The following RAP1GAP2 variants were observed in gnomAD, a reference collection of about 807,000 sequenced individuals.
RAP1GAP2 encodes the protein RAP1 GTPase activating protein 2.
Under a neutral mutation model 95.0 loss-of-function variants are expected in RAP1GAP2, and 27 were observed. The ratio of observed to expected loss-of-function variants is 0.28; its 90% CI spans 0.21 to 0.39. The LOEUF is 0.39. Among genes scored for constraint, RAP1GAP2 ranks in the 10% least tolerant of loss-of-function variants. The probability of loss-of-function intolerance (pLI) is 1.00; values close to 1 mark genes in which losing one functional copy is unlikely to be tolerated. For missense variants in RAP1GAP2, 771 were observed against 970.0 expected (o/e 0.79, Z 2.72); for synonymous variants, 373 against 380.9 (o/e 0.98, Z 0.24).
At chr17:2,856,318 C>T (rs1401456217) in intron 2 of RAP1GAP2, among the ~76,000 whole-genome samples, 1 of 152,130 alleles carries the variant, frequency 6.6e-6, no homozygotes, top group African/African-American at 2.4e-5. Context: ...AAGTTCTCTT[C>T]CTGGCTCATC....
intron 3 of RAP1GAP2, among the ~76,000 whole-genome samples, chr17:2,931,281 TGTGTG>T (rs2043145122): frequency 2.1e-4 from 1 of 4,842 alleles, no homozygotes; most frequent in Admixed American, 1.5e-3. Flanking sequence ...GAGTGTTTCT[TGTGTG>T]TGTGTGTGTG....
intron 2 of RAP1GAP2, among the ~76,000 whole-genome samples, chr17:2,801,048 C>T (rs1297868246): frequency 1.1e-4 from 17 of 150,980 alleles, no homozygotes; most frequent in African/African-American, 4.1e-4. Flanking sequence ...CGGAGTTTCA[C>T]CATGTTGGCC....
In RAP1GAP2 at chr17:2,917,501, C is replaced by T. The variant is rs543185161; in HGVS notation, c.165+12133C>T. On this transcript the variant is annotated intron_variant, in intron 3 of 24. Transcript: ENST00000254695. ...GTCAGGCTGGTCTCGAACTCCTGAC[C>T]TCAGGTGATCCACCCGCCTTGGGCT... Among the ~76,000 whole-genome samples the T allele has an allele frequency of 1.1e-4, 17 of 152,168 alleles. No homozygotes were observed. The South Asian group carries it at 2.7e-3, about 24-fold the overall frequency.
chr17:2,777,461 G>T (rs573442939), intron 1 of RAP1GAP2, among the ~76,000 whole-genome samples: 1 of 152,148 alleles, frequency 6.6e-6, no homozygotes, highest in Non-Finnish European at 1.5e-5. Context: ...TTGGGAGCGG[G>T]GCCCGATTTC....
intron 2 of RAP1GAP2, among the ~76,000 whole-genome samples, chr17:2,806,449 G>C (rs1163681981): frequency 6.7e-6 from 1 of 150,120 alleles, no homozygotes; most frequent in Non-Finnish European, 1.5e-5. Flanking sequence ...CTGGAGTGCA[G>C]TGGTGAAATT....
At chr17:3,030,796 C>T in intron 22 of RAP1GAP2, 126 bp from the exon 23 acceptor site, 1 of 869,470 alleles carries the variant, frequency 1.2e-6, no homozygotes, top group Non-Finnish European at 1.8e-6. Flanking sequence ...CACAGGTCAG[C>T]TAGGGTGCCT....
At chr17:2,773,482 G>T (rs767978794), upstream of RAP1GAP2, among the ~76,000 whole-genome samples, 2 of 152,188 alleles carry the variant, frequency 1.3e-5, no homozygotes, top group Non-Finnish European at 2.9e-5. Context: ...AGCTAAGGAG[G>T]TTGGTGAGTG....
intron 3 of RAP1GAP2, among the ~76,000 whole-genome samples, chr17:2,919,664 G>A (rs993548101): frequency 6.6e-6 from 1 of 152,120 alleles, no homozygotes; most frequent in Admixed American, 6.6e-5. Flanking sequence ...GTGACCGGCT[G>A]CCAGGCCCTC....
intron 2 of RAP1GAP2, among the ~76,000 whole-genome samples, chr17:2,849,428 GC>G (rs1003510898): frequency 6.6e-6 from 1 of 152,176 alleles, no homozygotes; most frequent in African/African-American, 2.4e-5. Flanking sequence ...GCTGATTCCC[GC>G]TTTCTCATGG....
chr17:2,980,189 C>T (rs1010144557), intron 8 of RAP1GAP2, 98 bp from the exon 9 acceptor site: 3 of 1,124,928 alleles, frequency 2.7e-6, no homozygotes, highest in Non-Finnish European at 1.3e-6. Context: ...GTGATCTGCC[C>T]TCCTTGGCCT....
chr17:2,881,696 G>A (rs1259924393), intron 2 of RAP1GAP2, among the ~76,000 whole-genome samples: 2 of 152,068 alleles, frequency 1.3e-5, no homozygotes, highest in Admixed American at 6.6e-5. Flanking sequence ...TTTGAGGAGC[G>A]TCCACACTTT....
rs375250140 is a variant in RAP1GAP2 at position 2,996,459 on chromosome 17, T to C, written c.1044+993T>C. On this transcript the variant is annotated intron_variant, in intron 13 of 24. Transcript: ENST00000254695. ...CTGGGGAGGGAGCACAGATGTAAAA[T>C]TGTAAACATAGTGCCTGGCTTCTTA... Among the ~76,000 whole-genome samples, 16 of 152,270 alleles carry C rather than the reference T, an allele frequency of 1.1e-4. 1 individual carries two copies. Among genetic ancestry groups the C allele is most frequent in the Admixed American group, 5.2e-4 (8 of 15,302 alleles).
At chr17:2,890,707 C>G (rs1234777960) in intron 2 of RAP1GAP2, among the ~76,000 whole-genome samples, 3 of 142,324 alleles carry the variant, frequency 2.1e-5, no homozygotes, top group Non-Finnish European at 3.0e-5. Flanking sequence ...TTTTTTGAGA[C>G]AGAGTCTTGC....
intron 2 of RAP1GAP2, among the ~76,000 whole-genome samples, chr17:2,883,381 C>G (rs1384391465): frequency 6.6e-6 from 1 of 152,168 alleles, no homozygotes; most frequent in Non-Finnish European, 1.5e-5. Context: ...CCTCGCCCAG[C>G]CTTTGCGGTT....
chr17:3,016,211 A>G (rs1379769501), intron 17 of RAP1GAP2, among the ~76,000 whole-genome samples: 1 of 152,200 alleles, frequency 6.6e-6, no homozygotes, highest in African/African-American at 2.4e-5. Context: ...CTGCTGACAA[A>G]ACACTGCTGA....
chr17:3,017,915 C>CTGTG (rs1191051416), intron 17 of RAP1GAP2, 146 bp from the exon 18 acceptor site: 3 of 585,044 alleles, frequency 5.1e-6, no homozygotes, highest in Non-Finnish European at 2.6e-6. Flanking sequence ...GCCTCTGTGA[C>CTGTG]CGTGTGTGTG....
chr17:3,004,211 A>C lies in RAP1GAP2; in HGVS notation c.1201-1158A>C, dbSNP rs1567883156. ...AGCTGCTGGAGCCCAGCCAGAAATC[A>C]CGTCAGCCGAACGCGCACCATTTCC... On this transcript the variant is annotated intron_variant, in intron 14 of 24. Coordinates refer to ENST00000254695, the MANE Select transcript of RAP1GAP2 (RefSeq NM_015085.5). This position sits in a 1 kb window ranked among gnomAD's most constrained non-coding sequence, Gnocchi z 4.1. Among the ~76,000 whole-genome samples, 1 of 152,154 alleles carries C rather than the reference A, an allele frequency of 6.6e-6. No individual in the cohort carries two copies. The highest frequency in any genetic ancestry group is 1.5e-5 in the Non-Finnish European group (1 of 68,038).
chr17:2,874,146 T>G (rs1319823589), intron 2 of RAP1GAP2, among the ~76,000 whole-genome samples: 2 of 152,132 alleles, frequency 1.3e-5, no homozygotes, highest in South Asian at 4.1e-4. Flanking sequence ...AGTTTCTCAT[T>G]TGTAAAGTGT....
intron 3 of RAP1GAP2, among the ~76,000 whole-genome samples, chr17:2,942,683 A>G (rs1214771917): frequency 6.6e-6 from 1 of 152,216 alleles, no homozygotes. Flanking sequence ...ATAACATAAA[A>G]TTAATGATCT....
Sources: allele counts gnomAD v4.1 joint callset (sites outside exome capture counted in the v4.1 genomes callset), GRCh38; gene constraint gnomAD v4.1.1; non-coding constraint Gnocchi (gnomAD v3.1); transcripts MANE v1.5; gene names NCBI Gene and HGNC (gene_info 2026-07-23, HGNC 2026-07-21).